Variants in RAB20 observed in about 807,000 individuals in gnomAD.
RAB20 encodes the protein ras-related protein Rab-20.
Under a neutral mutation model 3.7 loss-of-function variants are expected in RAB20, and 2 were observed. The ratio of observed to expected loss-of-function variants is 0.54; its 90% CI spans 0.22 to 1.69. The LOEUF (loss-of-function observed/expected upper bound fraction) is 1.69. Among genes scored for constraint, RAB20 ranks in the 40% most tolerant of loss-of-function variants. The pLI is 0.19. For missense variants in RAB20, 276 were observed against 311.9 expected (o/e 0.88, Z 0.87); for synonymous variants, 126 against 130.8 (o/e 0.96, Z 0.25).
intron 1 of RAB20, among the ~76,000 whole-genome samples, chr13:110,553,309 C>G (rs1884987878): frequency 1.3e-5 from 2 of 152,244 alleles, no homozygotes; most frequent in Admixed American, 6.5e-5. Flanking sequence ...GCTCAGTACA[C>G]ACACACAGTA....
At position 110,524,015 on chromosome 13, in the gene RAB20, C is replaced by T; in HGVS notation, c.355G>A (p.Glu119Lys). ...TCCTGGCCCGCCAAGGCCCCCTCCT[C>T]AGTGAGGTCCACTTTGTTCCCCACG... ...AIVGNKVDLT[E>K]EGALAGQEKE... The change falls in exon 2 of 2, where the codon GAG (glutamate) becomes AAG (lysine). Residue 119 changes from glutamate to lysine, a missense_variant. Coordinates refer to ENST00000267328, the MANE Select transcript of RAB20 (RefSeq NM_017817.3). 6.2e-7 allele frequency: 1 copy of T among 1,614,166 alleles called. No homozygotes were observed.
At chr13:110,529,654 C>CGGAG (rs1239621879) in intron 1 of RAB20, among the ~76,000 whole-genome samples, 1 of 152,156 alleles carries the variant, frequency 6.6e-6, no homozygotes, top group Non-Finnish European at 1.5e-5. Context: ...GTCTGGTGAA[C>CGGAG]GGAGCCAGGC....
chr13:110,541,249 C>T (rs1306106056), intron 1 of RAB20, among the ~76,000 whole-genome samples: 1 of 152,218 alleles, frequency 6.6e-6, no homozygotes, highest in Admixed American at 6.5e-5. Flanking sequence ...AGCTGACCCC[C>T]AGGCCTCAGG....
At chr13:110,524,974 A>G (rs1372932282) in intron 1 of RAB20, among the ~76,000 whole-genome samples, 5 of 152,236 alleles carry the variant, frequency 3.3e-5, no homozygotes, top group African/African-American at 1.2e-4. Context: ...CCTGCTCCCA[A>G]AACATTTCCA....
chr13:110,532,188 G>A (rs921323818), intron 1 of RAB20, among the ~76,000 whole-genome samples: 1 of 152,110 alleles, frequency 6.6e-6, no homozygotes, highest in Non-Finnish European at 1.5e-5. Context: ...ATTTGTATCA[G>A]CTTTAAAAGC....
intron 1 of RAB20, among the ~76,000 whole-genome samples, chr13:110,545,640 G>A (rs542312095): frequency 6.6e-6 from 1 of 152,206 alleles, no homozygotes; most frequent in Non-Finnish European, 1.5e-5. Flanking sequence ...TCCTTGTGCT[G>A]AGGTGGTGAC....
At position 110,555,945 on chromosome 13, in the gene RAB20, G is replaced by A. The variant is rs1234874475; in HGVS notation, c.172+5403C>T. On this transcript the variant is annotated intron_variant, in intron 1 of 1. Transcript: ENST00000267328. This position sits in a 1 kb window ranked among gnomAD's most constrained non-coding sequence, Gnocchi z 4.0. ...GCCTGCTGGTGTAACCTCAGTGACA[G>A]GCACCCAAGGCCAGGAGACAATGTT... 6.6e-6 allele frequency among the ~76,000 whole-genome samples: 1 copy of A among 152,196 alleles called. No homozygotes were observed. Among genetic ancestry groups the A allele is most frequent in the Non-Finnish European group, 1.5e-5 (1 of 68,046 alleles).
chr13:110,549,910 G>A (rs555473656), intron 1 of RAB20, among the ~76,000 whole-genome samples: 1 of 152,210 alleles, frequency 6.6e-6, no homozygotes, highest in African/African-American at 2.4e-5. Context: ...TTTTAGTAGA[G>A]ACAGAGTCTC....
chr13:110,534,146 C>T (rs1884599190), intron 1 of RAB20, among the ~76,000 whole-genome samples: 1 of 152,228 alleles, frequency 6.6e-6, no homozygotes, highest in African/African-American at 2.4e-5. Context: ...GCAGACAGTG[C>T]TCTGTGATGT....
chr13:110,525,835 C>T lies in RAB20; in HGVS notation c.173-1638G>A, dbSNP rs1302363668. Among the ~76,000 whole-genome samples the T allele has an allele frequency of 2.6e-5, 4 of 152,234 alleles. No individual in the cohort carries two copies. In the East Asian group the frequency reaches 7.7e-4, roughly 29 times the overall value. ...GAGAGGCAGCAGCATGCACCTTGGC[C>T]CCCACCTGCCTCTCGAGGACCGAGC... On this transcript the variant is annotated intron_variant, in intron 1 of 1. Transcript: ENST00000267328.
intron 1 of RAB20, among the ~76,000 whole-genome samples, chr13:110,546,677 T>C (rs760039040): frequency 6.6e-6 from 1 of 151,484 alleles, no homozygotes; most frequent in Non-Finnish European, 1.5e-5. Flanking sequence ...GGAGCATCTG[T>C]GAACAGTACA....
chr13:110,545,494 C>T (rs758155264), intron 1 of RAB20, among the ~76,000 whole-genome samples: 9 of 152,306 alleles, frequency 5.9e-5, no homozygotes, highest in Non-Finnish European at 1.3e-4. Context: ...CTGTCTACTG[C>T]CACTTGCCCA....
At chr13:110,542,562 C>T (rs1566588198) in intron 1 of RAB20, among the ~76,000 whole-genome samples, 1 of 152,194 alleles carries the variant, frequency 6.6e-6, no homozygotes, top group African/African-American at 2.4e-5. Context: ...AGATGCCAGG[C>T]ATCAGTGAGA....
chr13:110,533,292 T>C (rs757663940), intron 1 of RAB20, among the ~76,000 whole-genome samples: 2 of 152,238 alleles, frequency 1.3e-5, no homozygotes, highest in Non-Finnish European at 2.9e-5. Flanking sequence ...TGATGAGTTT[T>C]GGCTAAAGTT....
chr13:110,537,121 C>G (rs1247975969), intron 1 of RAB20, among the ~76,000 whole-genome samples: 1 of 151,938 alleles, frequency 6.6e-6, no homozygotes, highest in Non-Finnish European at 1.5e-5. Flanking sequence ...GCTGGGACTA[C>G]AGGCTCACGC....
chr13:110,527,452 T>C (rs1884449205), intron 1 of RAB20, among the ~76,000 whole-genome samples: 2 of 151,916 alleles, frequency 1.3e-5, no homozygotes, highest in East Asian at 1.9e-4. Context: ...CCAGCTCCGG[T>C]AGGAGTCAGA....
At position 110,558,055 on chromosome 13, in the gene RAB20, C is replaced by T. The variant is rs536071734; in HGVS notation, c.172+3293G>A. ...AGCCGGCCTGCTCACTGCTGTAGAA[C>T]GAGGGCCCAAACAGTGCCCGGCACC... On this transcript the variant is annotated intron_variant, in intron 1 of 1. Transcript: ENST00000267328. Among the ~76,000 whole-genome samples, 8 of 152,390 alleles carry T rather than the reference C, an allele frequency of 5.2e-5. No homozygotes were observed. The South Asian group carries it at 1.4e-3, about 28-fold the overall frequency.
At chr13:110,529,406 CATCTCT>C (rs1271832813) in intron 1 of RAB20, among the ~76,000 whole-genome samples, 1 of 152,168 alleles carries the variant, frequency 6.6e-6, no homozygotes, top group Non-Finnish European at 1.5e-5. Flanking sequence ...CAGGATCAGG[CATCTCT>C]ATCTCTATTG....
chr13:110,527,433 G>A (rs1256135762), intron 1 of RAB20, among the ~76,000 whole-genome samples: 1 of 152,204 alleles, frequency 6.6e-6, no homozygotes, highest in Non-Finnish European at 1.5e-5. Context: ...GCTGGGAGCT[G>A]AGCCCAGACC....
Sources: allele counts gnomAD v4.1 joint callset (sites outside exome capture counted in the v4.1 genomes callset), GRCh38; gene constraint gnomAD v4.1.1; non-coding constraint Gnocchi (gnomAD v3.1); transcripts MANE v1.5; gene names NCBI Gene and HGNC (gene_info 2026-07-23, HGNC 2026-07-21).